The following TYW1B variants were observed in gnomAD, a reference collection of about 807,000 sequenced individuals.
TYW1B encodes the protein tRNA-yW synthesizing protein 1 homolog B, also known as S-adenosyl-L-methionine-dependent tRNA 4-demethylwyosine synthase TYW1B.
A neutral mutation model predicts 86.9 loss-of-function variants in TYW1B; 73 were observed. The observed-to-expected ratio is 0.84, with a 90% CI of 0.70 to 1.02. The LOEUF (loss-of-function observed/expected upper bound fraction) is 1.02, where lower values mean the gene tolerates loss of function less well. TYW1B is among the 50% of genes least tolerant of loss of function. TYW1B has a pLI of 0.00. For missense variants in TYW1B, 637 were observed against 827.4 expected (o/e 0.77, Z 2.82); for synonymous variants, 248 against 292.8 (o/e 0.85, Z 1.56).
intron 11 of TYW1B, among the ~76,000 whole-genome samples, chr7:72,643,290 G>C (rs1468139393): frequency 6.6e-6 from 1 of 152,014 alleles, no homozygotes; most frequent in African/African-American, 2.4e-5. Flanking sequence ...CAAATTAATG[G>C]AAAGAATAAG....
chr7:72,599,832 C>T (rs575842232), intron 13 of TYW1B, among the ~76,000 whole-genome samples: 11 of 151,800 alleles, frequency 7.2e-5, no homozygotes, highest in African/African-American at 1.9e-4. Flanking sequence ...AACAGATACA[C>T]GATATATATA....
At chr7:72,787,782 A>G (rs1788153746) in intron 6 of TYW1B, among the ~76,000 whole-genome samples, 1 of 124,122 alleles carries the variant, frequency 8.1e-6, no homozygotes, top group Non-Finnish European at 1.8e-5. Flanking sequence ...AAAAAAAGAA[A>G]AAGTAATTAA....
At chr7:72,805,002 CA>C (rs1788468772) in intron 5 of TYW1B, among the ~76,000 whole-genome samples, 1 of 152,014 alleles carries the variant, frequency 6.6e-6, no homozygotes, top group Non-Finnish European at 1.5e-5. Context: ...CAAATCAAAT[CA>C]AAACTGCTAA....
chr7:72,777,193 C>A (rs1460843856), intron 7 of TYW1B, among the ~76,000 whole-genome samples: 35 of 152,006 alleles, frequency 2.3e-4, no homozygotes, highest in Admixed American at 1.1e-3. Flanking sequence ...GTGAACTTGA[C>A]CCACACTGAT....
At chr7:72,596,286 A>C (rs1275645898) in intron 13 of TYW1B, among the ~76,000 whole-genome samples, 1 of 152,126 alleles carries the variant, frequency 6.6e-6, no homozygotes, top group Non-Finnish European at 1.5e-5. Flanking sequence ...TAGAAATAGA[A>C]ATCTATCCTA....
chr7:72,755,353 AGGC>A (rs1787568135), intron 7 of TYW1B, among the ~76,000 whole-genome samples: 1 of 152,200 alleles, frequency 6.6e-6, no homozygotes, highest in Non-Finnish European at 1.5e-5. Context: ...AGGGAAGTCA[AGGC>A]TGCAGTGAGC....
At chr7:72,706,572 C>G (rs1814621602) in intron 10 of TYW1B, among the ~76,000 whole-genome samples, 1 of 152,236 alleles carries the variant, frequency 6.6e-6, no homozygotes, top group African/African-American at 2.4e-5. Flanking sequence ...TGTTCTGGGA[C>G]TATGTGGCCT....
chr7:72,803,189 T>C (rs1341778556), intron 5 of TYW1B, among the ~76,000 whole-genome samples: 1 of 152,004 alleles, frequency 6.6e-6, no homozygotes, highest in Non-Finnish European at 1.5e-5. Flanking sequence ...CTGGGCAACA[T>C]AGTGAAACCC....
intron 2 of TYW1B, among the ~76,000 whole-genome samples, chr7:72,816,905 G>T (rs1213126583): frequency 6.6e-6 from 1 of 152,038 alleles, no homozygotes; most frequent in African/African-American, 2.4e-5. Flanking sequence ...CCATTCGGCC[G>T]TTCCTGAGTT....
intron 13 of TYW1B, among the ~76,000 whole-genome samples, chr7:72,594,599 C>T (rs1215339674): frequency 2.0e-5 from 3 of 152,172 alleles, no homozygotes; most frequent in Non-Finnish European, 2.9e-5. Flanking sequence ...TAACACCAAT[C>T]TTTCTCAAAC....
intron 8 of TYW1B, among the ~76,000 whole-genome samples, chr7:72,741,493 G>C (rs1787303481): frequency 6.6e-6 from 1 of 152,042 alleles, no homozygotes; most frequent in Non-Finnish European, 1.5e-5. Context: ...GAAAAGAGCT[G>C]GGGGACACCA....
chr7:72,737,016 A>C (rs1787207934), intron 8 of TYW1B, among the ~76,000 whole-genome samples: 1 of 152,174 alleles, frequency 6.6e-6, no homozygotes, highest in South Asian at 2.1e-4. Flanking sequence ...TGACAGAGCG[A>C]GACTCCGTCT....
chr7:72,696,245 G>GCCTA (rs1409420637), intron 10 of TYW1B, among the ~76,000 whole-genome samples: 2 of 152,136 alleles, frequency 1.3e-5, no homozygotes, highest in Non-Finnish European at 2.9e-5. Context: ...ACTGTGCCTG[G>GCCTA]CCTAGACTGT....
intron 6 of TYW1B, among the ~76,000 whole-genome samples, chr7:72,779,862 A>G (rs1337264299): frequency 2.1e-5 from 3 of 140,232 alleles, no homozygotes; most frequent in Non-Finnish European, 3.1e-5. Context: ...ACCAAATGAG[A>G]AAAAAAAAAA....
intron 7 of TYW1B, among the ~76,000 whole-genome samples, chr7:72,776,577 A>AAAAAAAAC: frequency 6.6e-6 from 1 of 150,620 alleles, no homozygotes; most frequent in African/African-American, 2.4e-5. Flanking sequence ...AAAAAAAAAA[A>AAAAAAAAC]AAGAGGTATA....
intron 7 of TYW1B, among the ~76,000 whole-genome samples, chr7:72,759,083 C>G (rs1391873632): frequency 6.6e-6 from 1 of 152,308 alleles, no homozygotes; most frequent in East Asian, 1.9e-4. Context: ...GTAATCCCAG[C>G]ACCGTGCGAG....
At chr7:72,682,730 A>G (rs1813904791) in intron 11 of TYW1B, among the ~76,000 whole-genome samples, 1 of 152,192 alleles carries the variant, frequency 6.6e-6, no homozygotes, top group Non-Finnish European at 1.5e-5. Context: ...TGCTGTCCCC[A>G]TAATTGGAGG....
intron 10 of TYW1B, among the ~76,000 whole-genome samples, chr7:72,711,913 C>T (rs1266554399): frequency 6.6e-6 from 1 of 151,720 alleles, no homozygotes; most frequent in Non-Finnish European, 1.5e-5. Flanking sequence ...ACCTTTAGGG[C>T]ACCAGGCAAA....
chr7:72,576,033 A>T (rs1302310152), intron 13 of TYW1B, among the ~76,000 whole-genome samples: 3 of 152,232 alleles, frequency 2.0e-5, no homozygotes, highest in Non-Finnish European at 4.4e-5. Context: ...CATGTGACTA[A>T]TTCAAACTCA....
Sources: allele counts gnomAD v4.1 joint callset (sites outside exome capture counted in the v4.1 genomes callset), GRCh38; gene constraint gnomAD v4.1.1; transcripts MANE v1.5; gene names NCBI Gene and HGNC (gene_info 2026-07-23, HGNC 2026-07-21).